ENOX1: variants seen among roughly 807,000 people sequenced by gnomAD.
ENOX1 encodes candidate growth-related and time keeping constitutive hydroquinone (NADH) oxidase.
Under a neutral mutation model 82.5 loss-of-function variants are expected in ENOX1, and 42 were observed. The observed-to-expected ratio is 0.51, with a 90% CI of 0.40 to 0.66. The LOEUF is 0.66. ENOX1 is among the 30% of genes least tolerant of loss of function. The pLI, the probability that ENOX1 is intolerant of heterozygous loss-of-function variation, is 0.00. For missense variants in ENOX1, 608 were observed against 811.6 expected, an observed-to-expected ratio of 0.75 and a Z score of 3.05; for synonymous variants, 271 against 282.2, an observed-to-expected ratio of 0.96 and a Z score of 0.40.
rs113629402 is a variant in ENOX1 at position 43,499,523 on chromosome 13, G to A, written c.-218-15371C>T. 2.6e-3 allele frequency among the ~76,000 whole-genome samples: 392 copies of A among 151,894 alleles called. 1 individual carries two copies. The highest frequency in any genetic ancestry group is 8.9e-3 in the African/African-American group (371 of 41,464). ...CACTTACTCACAGACACTGACACCC[G>A]GCCCACCCACAGCCCTCATCAACAG... On this transcript the variant is annotated intron_variant, in intron 2 of 16. Coordinates refer to ENST00000690772, the MANE Select transcript of ENOX1 (RefSeq NM_001347969.2).
At chr13:43,630,454 A>G (rs1012459214) in intron 2 of ENOX1, among the ~76,000 whole-genome samples, 5 of 152,038 alleles carry the variant, frequency 3.3e-5, no homozygotes, top group African/African-American at 1.2e-4. Context: ...TAGAAATACA[A>G]TTAAAACACT....
At chr13:43,757,613 A>T (rs1405100755) in intron 1 of ENOX1, among the ~76,000 whole-genome samples, 1 of 152,218 alleles carries the variant, frequency 6.6e-6, no homozygotes, top group Non-Finnish European at 1.5e-5. Flanking sequence ...AGCCATAGAG[A>T]GGTATCAATA....
At chr13:43,669,561 G>C (rs949293965) in intron 1 of ENOX1, among the ~76,000 whole-genome samples, 1 of 146,352 alleles carries the variant, frequency 6.8e-6, no homozygotes, top group African/African-American at 2.7e-5. Context: ...GAGAAGGAAG[G>C]ACAACCAAAC....
chr13:43,694,030 A>C (rs2086507516), intron 1 of ENOX1, among the ~76,000 whole-genome samples: 1 of 152,190 alleles, frequency 6.6e-6, no homozygotes, highest in African/African-American at 2.4e-5. Context: ...TTTAATGTTT[A>C]CCTTAGAGCT....
chr13:43,425,939 G>C (rs1238571662), intron 3 of ENOX1, among the ~76,000 whole-genome samples: 1 of 152,074 alleles, frequency 6.6e-6, no homozygotes, highest in Non-Finnish European at 1.5e-5. Flanking sequence ...AATTTCAAAA[G>C]CAAAATGATT....
Position 43,311,572 on chromosome 13 carries a change from G to A in ENOX1, c.1261+10812C>T, listed in dbSNP as rs561448820. Among the ~76,000 whole-genome samples the A allele has an allele frequency of 1.4e-3, 218 of 152,148 alleles. 1 individual carries two copies. The highest frequency in any genetic ancestry group is 2.6e-3 in the Non-Finnish European group (178 of 67,994). On this transcript the variant is annotated intron_variant, in intron 11 of 16. Transcript: ENST00000690772. ...TCTACTAGTTTTTGGCTATGACTTC[G>A]GAGGGCACAGTGGGCAGAGACTGTG...
At chr13:43,353,803 C>T (rs1291141018) in intron 8 of ENOX1, among the ~76,000 whole-genome samples, 1 of 152,232 alleles carries the variant, frequency 6.6e-6, no homozygotes, top group African/African-American at 2.4e-5. Context: ...TCACACAGTA[C>T]TTGGCAAAGG....
intron 2 of ENOX1, among the ~76,000 whole-genome samples, chr13:43,639,510 C>T (rs937069899): frequency 6.6e-6 from 1 of 152,010 alleles, no homozygotes; most frequent in Non-Finnish European, 1.5e-5. Flanking sequence ...TATCAATAGA[C>T]CTGGATTGAA....
intron 2 of ENOX1, chr13:43,544,801 G>C (rs936011505): frequency 1.3e-5 from 2 of 152,056 alleles, no homozygotes; most frequent in Non-Finnish European, 2.9e-5. Flanking sequence ...GCTCTGGGAA[G>C]AAGCCAATAA....
At chr13:43,350,257 C>T (rs2049685953) in intron 8 of ENOX1, among the ~76,000 whole-genome samples, 1 of 152,190 alleles carries the variant, frequency 6.6e-6, no homozygotes. Context: ...ATCATTGGCA[C>T]ATGTTCATTT....
In ENOX1 at chr13:43,359,864, G is replaced by A. The variant is rs774516189; in HGVS notation, c.576C>T (p.Ala192=). Residue 192 remains alanine, a synonymous_variant, in exon 7 of 17, where the codon GCC becomes GCT. Coordinates refer to ENST00000690772, the MANE Select transcript of ENOX1 (RefSeq NM_001347969.2). The part of the protein sequence containing the change: ...RFAEEFMVDK[A]IYLSGYRMRL... ...AATGCAAAGTACCAGAAAGGTAAAT[G>A]GCTTTATCAACCATGAATTCCTCTG... 3.7e-6 allele frequency: 6 copies of A among 1,614,042 alleles called. No homozygotes were observed. Among genetic ancestry groups the A allele is most frequent in the Non-Finnish European group, 5.1e-6 (6 of 1,179,976 alleles).
intron 1 of ENOX1, among the ~76,000 whole-genome samples, chr13:43,724,923 T>C (rs2088834560): frequency 6.6e-6 from 1 of 152,170 alleles, no homozygotes; most frequent in Non-Finnish European, 1.5e-5. Context: ...GCAGTATATA[T>C]GAGATAAGTA....
intron 1 of ENOX1, among the ~76,000 whole-genome samples, chr13:43,709,595 GGAA>G (rs1390712871): frequency 1.3e-5 from 2 of 150,904 alleles, no homozygotes; most frequent in African/African-American, 2.4e-5. Flanking sequence ...AGGAAAAGAA[GGAA>G]GAAGATGAGG....
rs551502460 is a variant in ENOX1, at chr13:43,319,542, A to T, written c.1261+2842T>A. On this transcript the variant is annotated intron_variant, in intron 11 of 16. Transcript: ENST00000690772. ...CCTTTCCTAAAAACCAAACAAGTCA[A>T]TTATTTCCATCTCTTCCCTGCCCCC... Among the ~76,000 whole-genome samples, 180 of 152,266 alleles carry T rather than the reference A, an allele frequency of 1.2e-3. 1 individual carries two copies. In the Middle Eastern group the frequency reaches 0.014, roughly 12 times the overall value.
chr13:43,360,659 C>G (rs61950478), intron 6 of ENOX1, among the ~76,000 whole-genome samples: 45,344 of 148,848 alleles, frequency 0.3, 6,932 homozygotes, highest in East Asian at 0.46. Flanking sequence ...ATTACTAAAG[C>G]AATCTCCTGA....
rs145047158 is a variant in ENOX1 at position 43,387,737 on chromosome 13, CAT to C, written c.208+24177_208+24178del. 3.2e-3 allele frequency among the ~76,000 whole-genome samples: 488 copies of C among 151,986 alleles called. 1 individual carries two copies. Among genetic ancestry groups the C allele is most frequent in the East Asian group, 0.013 (69 of 5,180 alleles). On this transcript the variant is annotated intron_variant, in intron 5 of 16. Transcript: ENST00000690772. ...ACATATATACACATATATGCATAAA[CAT>C]ATAAATATGTAAATGCACACATATA...
intron 2 of ENOX1, among the ~76,000 whole-genome samples, chr13:43,492,037 C>T (rs531367142): frequency 6.6e-6 from 1 of 152,196 alleles, no homozygotes; most frequent in East Asian, 1.9e-4. Context: ...CATGGGGTGT[C>T]GCCTATGACA....
intron 14 of ENOX1, among the ~76,000 whole-genome samples, chr13:43,243,917 T>C (rs1299215260): frequency 6.6e-6 from 1 of 152,062 alleles, no homozygotes; most frequent in Non-Finnish European, 1.5e-5. Context: ...ACAAGTCCTG[T>C]ATCTCCCAGA....
chr13:43,359,598 C>A (rs1445099615), intron 7 of ENOX1: 2 of 493,822 alleles, frequency 4.1e-6, no homozygotes, highest in Admixed American at 6.5e-5. Flanking sequence ...ATCTAATAAG[C>A]ACTTGAGAAC....
Sources: allele counts gnomAD v4.1 joint callset (sites outside exome capture counted in the v4.1 genomes callset), GRCh38; gene constraint gnomAD v4.1.1; transcripts MANE v1.5; gene names NCBI Gene and HGNC (gene_info 2026-07-23, HGNC 2026-07-21).